ZC3H18: variants seen among roughly 807,000 people sequenced by gnomAD.
ZC3H18 encodes zinc finger CCCH domain-containing protein 18.
Under a neutral mutation model 106.1 loss-of-function variants are expected in ZC3H18, and 8 were observed. The observed-to-expected ratio is 0.08, with a 90% CI of 0.04 to 0.14. The LOEUF (loss-of-function observed/expected upper bound fraction) is 0.14. ZC3H18 is among the 10% of genes least tolerant of loss of function. The pLI is 1.00. For synonymous variants in ZC3H18, 635 were observed against 522.1 expected (o/e 1.22, Z -2.95); for missense variants, 1,318 against 1,278.4 (o/e 1.03, Z -0.47).
At chr16:88,600,887 T>C (rs1402793419) in intron 6 of ZC3H18, among the ~76,000 whole-genome samples, 1 of 152,258 alleles carries the variant, frequency 6.6e-6, no homozygotes, top group African/African-American at 2.4e-5. Flanking sequence ...CAGATCTGAA[T>C]TGGCACTCCA....
At position 88,581,844 on chromosome 16, in the gene ZC3H18, C is replaced by T. The variant is rs372784915; in HGVS notation, c.603+4118C>T. On this transcript the variant is annotated intron_variant, in intron 2 of 17. Transcript: ENST00000301011. ...CTGGGAGATGACAAGCTCCTTCCAG[C>T]CTGGCGAGGCTCTGATTTGCCGTTA... Among the ~76,000 whole-genome samples the T allele has an allele frequency of 1.1e-4, 17 of 152,344 alleles. No individual in the cohort carries two copies. In the South Asian group the frequency reaches 1.2e-3, roughly 11 times the overall value.
chr16:88,601,635 C>T (rs1392608259), intron 6 of ZC3H18, among the ~76,000 whole-genome samples: 2 of 152,100 alleles, frequency 1.3e-5, no homozygotes, highest in Non-Finnish European at 2.9e-5. Flanking sequence ...TCCCAGGAGC[C>T]GGTATCTACA....
chr16:88,613,478 G>A (rs146633465), intron 8 of ZC3H18, among the ~76,000 whole-genome samples: 102 of 152,240 alleles, frequency 6.7e-4, no homozygotes, highest in African/African-American at 2.4e-3. Flanking sequence ...ATAGGAGGGC[G>A]CCATCTCTCT....
chr16:88,628,171 A>C (rs373458445), intron 15 of ZC3H18, 52 bp downstream of exon 15: 2 of 1,588,082 alleles, frequency 1.3e-6, no homozygotes, highest in Admixed American at 1.7e-5. Flanking sequence ...GCCTGGGTCC[A>C]TCTGCTTCCT....
intron 8 of ZC3H18, among the ~76,000 whole-genome samples, chr16:88,614,906 C>T (rs912596186): frequency 1.3e-5 from 2 of 152,234 alleles, no homozygotes; most frequent in Non-Finnish European, 2.9e-5. Context: ...CCAGCCGCTC[C>T]CTCTGCCCAG....
At chr16:88,596,700 C>T (rs1904457016) in intron 3 of ZC3H18, among the ~76,000 whole-genome samples, 1 of 152,146 alleles carries the variant, frequency 6.6e-6, no homozygotes, top group South Asian at 2.1e-4. Context: ...CTATTGTCAG[C>T]ACTTTTCTGT....
intron 3 of ZC3H18, among the ~76,000 whole-genome samples, chr16:88,593,919 A>G (rs1904313599): frequency 6.6e-6 from 1 of 152,226 alleles, no homozygotes; most frequent in African/African-American, 2.4e-5. Flanking sequence ...GACCCATTCA[A>G]AGTTCAAGAT....
Position 88,628,854 on chromosome 16 carries a change from G to C in ZC3H18, c.2566G>C (p.Gly856Arg). The change falls in exon 16 of 18, where the codon GGT becomes CGT. Residue 856 changes from glycine to arginine, a missense_variant and splice_region_variant. Gly to Arg is a moderately radical substitution (Grantham distance 125, BLOSUM62 -2). Transcript: ENST00000301011. ...AKRPNTSPDR[G>R]SRDRKSGGRL... ...GCGGCCCAACACATCCCCAGACCGA[G>C]GTGAGCCTCCCAGCCCCTAGGGGGC... The C allele has an allele frequency of 6.2e-7, 1 of 1,614,034 alleles. No homozygotes were observed. Among genetic ancestry groups the C allele is most frequent in the Non-Finnish European group, 8.5e-7 (1 of 1,179,948 alleles).
chr16:88,615,544 T>C (rs933252549), intron 8 of ZC3H18, among the ~76,000 whole-genome samples: 1 of 152,232 alleles, frequency 6.6e-6, no homozygotes, highest in Non-Finnish European at 1.5e-5. Flanking sequence ...CATAATTGAT[T>C]GTTACAGGGT....
Position 88,631,122 on chromosome 16 carries a change from G to A in ZC3H18, c.2685G>A (p.Gln895=), listed in dbSNP as rs1423856037. The A allele has an allele frequency of 1.2e-6, 2 of 1,612,674 alleles. No homozygotes were observed. Among genetic ancestry groups the A allele is most frequent in the Non-Finnish European group, 1.7e-6 (2 of 1,180,026 alleles). The stretch of plus-strand genomic sequence containing the variant: ...GTAGGAAGCGCCAGCTGTCACCCCA[G>A]TCCAAGAGCTCCAGCAAGGTCACGA... ...PADRKRQLSP[Q]SKSSSKVTSV... is the part of the protein sequence containing the mutation. Residue 895 remains glutamine, a synonymous_variant, in exon 18 of 18, where the codon CAG becomes CAA. Coordinates refer to ENST00000301011, the MANE Select transcript of ZC3H18 (RefSeq NM_144604.4).
chr16:88,630,764 C>CCCCA (rs1906630298), intron 17 of ZC3H18, among the ~76,000 whole-genome samples, 183 bp downstream of exon 17: 4 of 110,726 alleles, frequency 3.6e-5, no homozygotes, highest in Non-Finnish European at 6.3e-5. Flanking sequence ...CCACCCCCCC[C>CCCCA]CACACACACA....
chr16:88,598,418 C>G (rs997584336), intron 4 of ZC3H18, 92 bp downstream of exon 4: 3 of 1,522,116 alleles, frequency 2.0e-6, no homozygotes, highest in African/African-American at 2.8e-5. Flanking sequence ...TGCCTTAGCA[C>G]AGGCTCAGTG....
At chr16:88,621,622 C>T (rs1170632695) in intron 8 of ZC3H18, among the ~76,000 whole-genome samples, 1 of 152,100 alleles carries the variant, frequency 6.6e-6, no homozygotes, top group African/African-American at 2.4e-5. Context: ...TCCCAAAGTG[C>T]TGGGATTACA....
intron 11 of ZC3H18, 159 bp downstream of exon 11, chr16:88,624,221 C>T (rs1906150449): frequency 1.0e-6 from 1 of 988,214 alleles, no homozygotes; most frequent in Non-Finnish European, 1.5e-6. Context: ...AGGCACTGGG[C>T]ACAGCTCCTG....
At chr16:88,572,909 C>A (rs1914501910) in intron 1 of ZC3H18, among the ~76,000 whole-genome samples, 1 of 151,960 alleles carries the variant, frequency 6.6e-6, no homozygotes, top group East Asian at 1.9e-4. Flanking sequence ...AGGCACGTGC[C>A]ACCATGCCCA....
chr16:88,572,042 C>T (rs1914439894), intron 1 of ZC3H18, among the ~76,000 whole-genome samples: 1 of 152,188 alleles, frequency 6.6e-6, no homozygotes, highest in South Asian at 2.1e-4. Flanking sequence ...AATAGTCACC[C>T]TCCAGGTTTG....
chr16:88,588,970 TTTA>T (rs1915593256), intron 3 of ZC3H18, among the ~76,000 whole-genome samples: 1 of 152,298 alleles, frequency 6.6e-6, no homozygotes, highest in Admixed American at 6.5e-5. Context: ...CAGAAGTGTT[TTTA>T]TTCTGTAGAG....
At position 88,630,958 on chromosome 16, in the gene ZC3H18, G is replaced by T. The variant is rs759734464; in HGVS notation, c.2664-143G>T. The T allele has an allele frequency of 2.0e-5, 21 of 1,031,538 alleles. No homozygotes were observed. The Admixed American group carries it at 4.4e-4, about 22-fold the overall frequency. The allele number at this position is 1,031,538 out of a possible 1,614,324, so 63.9% of individuals were successfully genotyped here. On this transcript the variant is annotated intron_variant, in intron 17 of 17. Transcript: ENST00000301011. ...GCTAGGACCAGGCCTGCTTGTGGCA[G>T]TGGGAGCCTGGCCATCCAGGGAGCC...
At chr16:88,621,512 G>A (rs1296348923) in intron 8 of ZC3H18, among the ~76,000 whole-genome samples, 2 of 151,390 alleles carry the variant, frequency 1.3e-5, no homozygotes, top group South Asian at 2.1e-4. Context: ...GTGAGCCACC[G>A]CAGCCGGCCT....
Sources: allele counts gnomAD v4.1 joint callset (sites outside exome capture counted in the v4.1 genomes callset), GRCh38; gene constraint gnomAD v4.1.1; transcripts MANE v1.5; gene names NCBI Gene and HGNC (gene_info 2026-07-23, HGNC 2026-07-21).